GLIS2: variants seen among roughly 807,000 people sequenced by gnomAD.
GLIS2 encodes zinc finger protein GLIS2.
A neutral mutation model predicts 35.6 loss-of-function variants in GLIS2; 14 were observed. The observed-to-expected ratio is 0.39, with a 90% confidence interval of 0.26 to 0.61. The LOEUF (loss-of-function observed/expected upper bound fraction) is 0.61. Among genes scored for constraint, GLIS2 ranks in the 20% least tolerant of loss-of-function variants. The pLI is 0.48. For synonymous variants in GLIS2, 368 were observed against 325.1 expected (o/e 1.13, Z -1.42); for missense variants, 675 against 713.4 (o/e 0.95, Z 0.61).
Position 4,337,165 on chromosome 16 carries a change from G to T in GLIS2, c.1216G>T (p.Val406Phe). 1.3e-6 allele frequency: 2 copies of T among 1,541,200 alleles called. No individual in the cohort carries two copies. The highest frequency in any genetic ancestry group is 8.7e-7 in the Non-Finnish European group (1 of 1,146,834). ...CATGGGCCCTGGGCTGCCAGGCCCC[G>T]TCCTGCCTCTCAATCTGGCCAAGAA... ...GGMGPGLPGPVLPLNLAKNPL... is the reference protein window; with the variant it reads ...GGMGPGLPGPFLPLNLAKNPL... The change falls in exon 7 of 7, where the codon GTC (valine) becomes TTC (phenylalanine). Residue 406 changes from valine (V) to phenylalanine (F), a missense_variant. Physicochemically the swap from Val to Phe is conservative, Grantham distance 50 (BLOSUM62 -1). Around this residue, in one of 3 missense-constraint regions of GLIS2, gnomAD observed 317 missense variants for 283.2 expected, o/e 1.12. Coordinates refer to ENST00000433375, the MANE Select transcript of GLIS2 (RefSeq NM_032575.3).
chr16:4,337,424 C>A lies in GLIS2; in HGVS notation c.1475C>A (p.Thr492Lys), dbSNP rs762640275. Reference protein sequence around the residue: ...LLPGTVLDLSTGVNSAASSPE... With the variant: ...LLPGTVLDLSKGVNSAASSPE... ...CCAGGCACCGTGCTGGACCTGTCCA[C>A]GGGCGTCAACTCAGCTGCCAGCAGC... is the stretch of plus-strand genomic sequence containing the variant. The change falls in exon 7 of 7, where the codon ACG (threonine) becomes AAG (lysine). Residue 492 changes from threonine to lysine, a missense_variant. Physicochemically the swap from Thr to Lys is moderately conservative, Grantham distance 78. Transcript: ENST00000433375. The A allele has an allele frequency of 2.7e-5, 43 of 1,584,516 alleles. No homozygotes were observed. The Admixed American group carries it at 5.4e-4, about 20-fold the overall frequency.
rs569937790 is a variant in GLIS2 at position 4,334,987 on chromosome 16, G to A, written c.522+10G>A. 65 of 1,613,254 alleles carry A rather than the reference G, an allele frequency of 4.0e-5. 1 individual carries two copies. The South Asian group carries it at 6.6e-4, about 16-fold the overall frequency. ...GTGTCGCTGGGCCAAGGTGAGTGGGGGCCAGCAAGAGTAGTGTGGAGTCTG... is the reference window on the plus strand; with the variant it reads ...GTGTCGCTGGGCCAAGGTGAGTGGGAGCCAGCAAGAGTAGTGTGGAGTCTG... On this transcript the variant is annotated intron_variant, in intron 4 of 6. Transcript: ENST00000433375.
At chr16:4,328,680 C>A (rs926750841) in intron 1 of GLIS2, among the ~76,000 whole-genome samples, 3 of 152,156 alleles carry the variant, frequency 2.0e-5, no homozygotes, top group Non-Finnish European at 4.4e-5. Context: ...TGGGGGTGCC[C>A]CTGGGGACTG....
chr16:4,337,081 C>T lies in GLIS2; in HGVS notation c.1132C>T (p.Pro378Ser), dbSNP rs1049299719. Reference sequence around the variant, plus strand: ...CTTACCCCTACCCCTGGCCCCCGGCCCCCTTGACCTCAGTGCCCTGGCCTG... The same window carrying T: ...CTTACCCCTACCCCTGGCCCCCGGCTCCCTTGACCTCAGTGCCCTGGCCTG... ...PGLPLPLAPG[P>S]LDLSALACGN... Residue 378 changes from proline (P) to serine (S), a missense_variant, in exon 7 of 7, where the codon CCC becomes TCC. Pro to Ser is a moderately conservative substitution (Grantham distance 74). Around this residue, in one of 3 missense-constraint regions of GLIS2, gnomAD observed 317 missense variants for 283.2 expected, o/e 1.12. Coordinates refer to ENST00000433375, the MANE Select transcript of GLIS2 (RefSeq NM_032575.3). 1.3e-6 allele frequency: 2 copies of T among 1,537,770 alleles called. No individual in the cohort carries two copies. The highest frequency in any genetic ancestry group is 1.7e-6 in the Non-Finnish European group (2 of 1,146,876).
At chr16:4,318,424 G>T (rs2141118816) in intron 1 of GLIS2, among the ~76,000 whole-genome samples, 1 of 152,318 alleles carries the variant, frequency 6.6e-6, no homozygotes, top group South Asian at 2.1e-4. Context: ...CGAGGGTGGA[G>T]CCCGGATGAA....
rs1392314865 is a variant in GLIS2, at chr16:4,335,407, G to A, written c.775+14G>A. On this transcript the variant is annotated intron_variant, in intron 6 of 6. Coordinates refer to ENST00000433375, the MANE Select transcript of GLIS2 (RefSeq NM_032575.3). The surrounding 1 kb of genome is among the most constrained non-coding windows in gnomAD (Gnocchi z 4.6). ...GGTCGCACACAGGTAAGAGGCCGGG[G>A]CCGGGCGGCTTGGCCCATGAAGGGG... 1 of 1,612,442 alleles carries A rather than the reference G, an allele frequency of 6.2e-7. No homozygotes were observed. Among genetic ancestry groups the A allele is most frequent in the Non-Finnish European group, 8.5e-7 (1 of 1,179,404 alleles).
intron 1 of GLIS2, among the ~76,000 whole-genome samples, chr16:4,326,005 G>A (rs1246140659): frequency 6.7e-6 from 1 of 149,494 alleles, no homozygotes; most frequent in Admixed American, 6.7e-5. Flanking sequence ...TTGGGAGGCC[G>A]AGGTGGGCGG....
At position 4,332,512 on chromosome 16, in the gene GLIS2, A is replaced by G; in HGVS notation, c.172+60A>G. 2 of 1,579,146 alleles carry G rather than the reference A, an allele frequency of 1.3e-6. No homozygotes were observed. The highest frequency in any genetic ancestry group is 1.7e-5 in the Admixed American group (1 of 58,494). ...CTGATCCAGTCATGGTGACAGGGAGAATGGCCAAGTGTGTCCACCAGCATG... is the reference window on the plus strand; with the variant it reads ...CTGATCCAGTCATGGTGACAGGGAGGATGGCCAAGTGTGTCCACCAGCATG... On this transcript the variant is annotated intron_variant, in intron 2 of 6. Transcript: ENST00000433375. The surrounding 1 kb of genome is among the most constrained non-coding windows in gnomAD (Gnocchi z 5.4).
intron 1 of GLIS2, among the ~76,000 whole-genome samples, chr16:4,327,479 C>T (rs1034258493): frequency 4.6e-5 from 7 of 152,210 alleles, no homozygotes; most frequent in Non-Finnish European, 1.0e-4. Context: ...CGCCCCGTGC[C>T]TTCCAGTAGG....
chr16:4,317,811 G>T (rs1466907666), intron 1 of GLIS2, among the ~76,000 whole-genome samples: 2 of 152,134 alleles, frequency 1.3e-5, no homozygotes, highest in Non-Finnish European at 2.9e-5. Context: ...ATGGTGTTTT[G>T]GGGGGTGTGC....
rs923013758 is a variant in GLIS2, at chr16:4,332,735, G to A, written c.172+283G>A. Among the ~76,000 whole-genome samples the A allele has an allele frequency of 3.9e-5, 6 of 152,246 alleles. No individual in the cohort carries two copies. Among genetic ancestry groups the A allele is most frequent in the Non-Finnish European group, 4.4e-5 (3 of 68,044 alleles). Reference sequence around the variant, plus strand: ...AACCAGGCATTCAGAAGGAGCGGCAGTAGTCCCAGGACCTGCACCCTAGGC... The same window carrying A: ...AACCAGGCATTCAGAAGGAGCGGCAATAGTCCCAGGACCTGCACCCTAGGC... On this transcript the variant is annotated intron_variant, in intron 2 of 6. Coordinates refer to ENST00000433375, the MANE Select transcript of GLIS2 (RefSeq NM_032575.3). This position sits in a 1 kb window ranked among gnomAD's most constrained non-coding sequence, Gnocchi z 5.4.
intron 1 of GLIS2, among the ~76,000 whole-genome samples, chr16:4,327,203 C>A (rs1004609690): frequency 2.6e-5 from 4 of 152,222 alleles, no homozygotes; most frequent in Admixed American, 2.6e-4. Flanking sequence ...CTAGAAGGAG[C>A]TTTATTCAGA....
Position 4,332,515 on chromosome 16 carries a change from GGCCAAGT to G in GLIS2, c.172+65_172+71del. On this transcript the variant is annotated intron_variant, in intron 2 of 6. Transcript: ENST00000433375. This position sits in a 1 kb window ranked among gnomAD's most constrained non-coding sequence, Gnocchi z 5.4. ...ATCCAGTCATGGTGACAGGGAGAAT[GGCCAAGT>G]GTGTCCACCAGCATGTAGCTGCAGC... is the stretch of plus-strand genomic sequence containing the variant. 1 of 1,566,920 alleles carries G rather than the reference GGCCAAGT, an allele frequency of 6.4e-7. No homozygotes were observed. Among genetic ancestry groups the G allele is most frequent in the Middle Eastern group, 2.3e-4 (1 of 4,424 alleles).
rs72766562 is a variant in GLIS2 at position 4,332,652 on chromosome 16, G to T, written c.172+200G>T. On this transcript the variant is annotated intron_variant, in intron 2 of 6. Transcript: ENST00000433375. This position sits in a 1 kb window ranked among gnomAD's most constrained non-coding sequence, Gnocchi z 5.4. ...GGAGCTGCAGTGCCCAGCTCACGTG[G>T]CTGGCACACGATGCAAACTGAGGCC... is the stretch of plus-strand genomic sequence containing the variant. 0.022 allele frequency among the ~76,000 whole-genome samples: 3,427 copies of T among 152,344 alleles called. 64 individuals carry two copies. The highest frequency in any genetic ancestry group is 0.061 in the Middle Eastern group (18 of 294).
rs746920921 is a variant in GLIS2 at position 4,337,298 on chromosome 16, C to T, written c.1349C>T (p.Ser450Leu). Residue 450 changes from serine to leucine, a missense_variant, in exon 7 of 7, where the codon TCG (serine) becomes TTG (leucine). Around this residue, in one of 3 missense-constraint regions of GLIS2, gnomAD observed 317 missense variants for 283.2 expected, o/e 1.12. Transcript: ENST00000433375. ...GKAEGEKGRG[S>L]VPTRALGMEG... Reference sequence around the variant, plus strand: ...GCCGAGGGGGAGAAGGGGCGTGGGTCGGTGCCCACCAGGGCCCTGGGCATG... The same window carrying T: ...GCCGAGGGGGAGAAGGGGCGTGGGTTGGTGCCCACCAGGGCCCTGGGCATG... 11 of 1,558,724 alleles carry T rather than the reference C, an allele frequency of 7.1e-6. No individual in the cohort carries two copies. The highest frequency in any genetic ancestry group is 1.7e-4 in the Middle Eastern group (1 of 5,944).
chr16:4,321,230 G>A (rs1039373071), intron 1 of GLIS2, among the ~76,000 whole-genome samples: 6 of 152,076 alleles, frequency 3.9e-5, no homozygotes, highest in African/African-American at 1.4e-4. Flanking sequence ...AGCTGGCCAG[G>A]GTGGTTCCTA....
At position 4,332,149 on chromosome 16, in the gene GLIS2, C is replaced by G; in HGVS notation, c.-66-66C>G. On this transcript the variant is annotated intron_variant, in intron 1 of 6. Transcript: ENST00000433375. The surrounding 1 kb of genome is among the most constrained non-coding windows in gnomAD (Gnocchi z 5.4). The stretch of plus-strand genomic sequence containing the variant: ...CCTGCTCCTGCTCCTGTTAGACTGT[C>G]ATGAGTACAGCCCGAGGAGAAGCCT... 1 of 1,149,350 alleles carries G rather than the reference C, an allele frequency of 8.7e-7. No individual in the cohort carries two copies. The highest frequency in any genetic ancestry group is 1.3e-6 in the Non-Finnish European group (1 of 794,538). The allele number at this position is 1,149,350 out of a possible 1,614,324, so 71.2% of individuals were successfully genotyped here.
intron 1 of GLIS2, among the ~76,000 whole-genome samples, chr16:4,318,083 C>T (rs2053335310): frequency 6.6e-6 from 1 of 152,138 alleles, no homozygotes; most frequent in African/African-American, 2.4e-5. Context: ...GAGGGGGTGC[C>T]CTGGGAAGCC....
In GLIS2 at chr16:4,333,464, C is replaced by T. The variant is rs749930782; in HGVS notation, c.290C>T (p.Ser97Leu). 5.0e-6 allele frequency: 8 copies of T among 1,612,540 alleles called. No individual in the cohort carries two copies. The East Asian group carries it at 1.3e-4, about 27-fold the overall frequency. The change falls in exon 3 of 7, where the codon TCG becomes TTG. Residue 97 changes from serine (S) to leucine (L), a missense_variant. By Grantham distance (145) the Ser-to-Leu change is moderately radical (BLOSUM62 -2). Transcript: ENST00000433375. ...CTGGACTCCCCCAATGGCAGCAGCT[C>T]GCTGTCCCCCGAGCGCCAGGGCAAC... is the stretch of plus-strand genomic sequence containing the variant. Reference protein sequence around the residue: ...SGLDSPNGSSSLSPERQGNGD... With the variant: ...SGLDSPNGSSLLSPERQGNGD...
Sources: gnomAD v4.1 joint callset for allele counts (sites outside exome capture counted in the v4.1 genomes callset) on GRCh38, gnomAD v4.1.1 for gene constraint, gnomAD v4.1.1 regional missense constraint, Gnocchi (gnomAD v3.1) non-coding constraint, MANE v1.5 for transcripts, NCBI Gene and HGNC (gene_info 2026-07-23, HGNC 2026-07-21) for gene names.